Variants in SPATA1 observed in about 807,000 individuals in gnomAD.
The protein encoded by SPATA1 is spermatogenesis-associated protein 1.
A neutral mutation model predicts 59.6 loss-of-function variants in SPATA1; 57 were observed. That is an observed-to-expected ratio of 0.96 (90% CI 0.77 to 1.19). The LOEUF (loss-of-function observed/expected upper bound fraction) is 1.19. Among genes scored for constraint, SPATA1 ranks in the 50% most tolerant of loss-of-function variants. SPATA1 has a pLI of 0.00. For missense variants in SPATA1, 448 were observed against 480.7 expected (o/e 0.93, Z 0.64); for synonymous variants, 147 against 163.9 (o/e 0.90, Z 0.79).
At chr1:84,511,687 T>C (rs868442555) in intron 1 of SPATA1, among the ~76,000 whole-genome samples, 3,467 of 142,156 alleles carry the variant, frequency 0.024, 174 homozygotes, top group Admixed American at 0.046. Context: ...TTCTTTTTTT[T>C]TTTTTTTTTT....
At chr1:84,554,472 T>C (rs1295051076) in exon 13 of SPATA1, 1 of 153,706 alleles carries the variant, frequency 6.5e-6, no homozygotes, top group Non-Finnish European at 1.4e-5. Flanking sequence ...AAATACTATA[T>C]GGAGTCAGGA....
chr1:84,509,088 TA>T (rs1422252873), intron 1 of SPATA1, among the ~76,000 whole-genome samples: 4 of 151,470 alleles, frequency 2.6e-5, no homozygotes, highest in Non-Finnish European at 4.4e-5. Context: ...TACAGAACCA[TA>T]AAAGACCCAG....
At chr1:84,523,995 T>A (rs1417330748) in intron 4 of SPATA1, among the ~76,000 whole-genome samples, 1 of 151,536 alleles carries the variant, frequency 6.6e-6, no homozygotes, top group Non-Finnish European at 1.5e-5. Flanking sequence ...ATATAGATCT[T>A]GCCCTCAAAG....
chr1:84,539,313 G>C (rs1190582356), intron 8 of SPATA1, among the ~76,000 whole-genome samples: 2 of 152,192 alleles, frequency 1.3e-5, no homozygotes, highest in Non-Finnish European at 2.9e-5. Flanking sequence ...ATTATAAACA[G>C]CACACACAAA....
intron 2 of SPATA1, among the ~76,000 whole-genome samples, chr1:84,516,985 C>T (rs936956880): frequency 6.6e-6 from 1 of 151,922 alleles, no homozygotes; most frequent in Non-Finnish European, 1.5e-5. Flanking sequence ...CATCTCAGAC[C>T]CCCAATACCT....
Position 84,550,417 on chromosome 1 carries a change from T to C in SPATA1, c.1126-15T>C. The stretch of plus-strand genomic sequence containing the variant: ...TTATATGTTATACTAAATAAATATC[T>C]ATCTATCCACACAGAATTACCTAAT... On this transcript the variant is annotated splice_polypyrimidine_tract_variant and intron_variant, in intron 11 of 12. Coordinates refer to ENST00000490879, the Ensembl canonical transcript of SPATA1. 2 of 1,370,066 alleles carry C rather than the reference T, an allele frequency of 1.5e-6. No homozygotes were observed. The highest frequency in any genetic ancestry group is 2.0e-6 in the Non-Finnish European group (2 of 1,014,508). 84.9% of individuals were successfully genotyped at this position (1,370,066 alleles called of 1,614,324 possible). A position where few individuals can be genotyped will look rare whatever the true frequency, so the allele number is the denominator to read the frequency against.
chr1:84,566,072 T>G (rs546607565), exon 5 of SPATA1: 14 of 1,072,098 alleles, frequency 1.3e-5, no homozygotes, highest in Middle Eastern at 3.2e-4. Context: ...TTACGTCAGA[T>G]TTTTAAAATT....
intron 8 of SPATA1, among the ~76,000 whole-genome samples, chr1:84,539,042 C>A (rs918763289): frequency 2.6e-5 from 4 of 152,170 alleles, no homozygotes; most frequent in African/African-American, 9.7e-5. Context: ...CTCAAGCAAT[C>A]GGCCCTCCTC....
At chr1:84,555,895 T>G (rs1006751965), downstream of SPATA1, 1 of 152,258 alleles carries the variant, frequency 6.6e-6, no homozygotes, top group Non-Finnish European at 1.5e-5. Context: ...ATGTGCTTTT[T>G]TGTATTCTCT....
chr1:84,551,454 C>T (rs1345356351), intron 12 of SPATA1: 1 of 273,958 alleles, frequency 3.7e-6, no homozygotes, highest in Non-Finnish European at 5.6e-6. Context: ...TCTATGCCTG[C>T]ACTGTCAGAT....
chr1:84,516,221 A>G lies in SPATA1; in HGVS notation c.-137-2A>G. On this transcript the variant is annotated splice_acceptor_variant, in intron 1 of 12. Transcript: ENST00000490879. LOFTEE classifies it low-confidence loss of function (5UTR_SPLICE). ...TTCCTTTTTATTTCTTGAACAAATC[A>G]GAGACCAGAAATGAGTGGAATGCTA... 1 of 633,696 alleles carries G rather than the reference A, an allele frequency of 1.6e-6. No homozygotes were observed. Among genetic ancestry groups the G allele is most frequent in the Non-Finnish European group, 2.6e-6 (1 of 390,852 alleles). 39.3% of individuals were successfully genotyped at this position (633,696 alleles called of 1,614,324 possible).
chr1:84,506,782 C>A (rs41284591), intron 1 of SPATA1: 9,327 of 152,410 alleles, frequency 0.061, 330 homozygotes, highest in Non-Finnish European at 0.077. Flanking sequence ...CGGAGCCGGG[C>A]GGGCGGGGAG....
intron 1 of SPATA1, among the ~76,000 whole-genome samples, chr1:84,508,526 CAAGAA>C (rs1221501907): frequency 6.6e-6 from 1 of 152,110 alleles, no homozygotes; most frequent in African/African-American, 2.4e-5. Flanking sequence ...CAATAAATGC[CAAGAA>C]AAGACCACCA....
intron 8 of SPATA1, among the ~76,000 whole-genome samples, chr1:84,540,941 T>C (rs1336712111): frequency 6.6e-6 from 1 of 152,276 alleles, no homozygotes; most frequent in African/African-American, 2.4e-5. Context: ...AAAACTGTGC[T>C]AATTCCTGCT....
chr1:84,557,533 C>CAAAAAAAAAAAAAAAAAAAA (rs56101174), downstream of SPATA1, among the ~76,000 whole-genome samples: 1 of 55,434 alleles, frequency 1.8e-5, no homozygotes, highest in Non-Finnish European at 3.5e-5. Flanking sequence ...AACTCCATCT[C>CAAAAAAAAAAAAAAAAAAAA]AAAAAAAAAA....
At chr1:84,537,108 G>A (rs563424891) in intron 8 of SPATA1, among the ~76,000 whole-genome samples, 1 of 151,970 alleles carries the variant, frequency 6.6e-6, no homozygotes, top group Admixed American at 6.5e-5. Context: ...TTGGACTCCT[G>A]ACCTCGTGAT....
intron 1 of SPATA1, chr1:84,506,812 G>A (rs1164529331): frequency 2.0e-5 from 3 of 152,434 alleles, no homozygotes; most frequent in Admixed American, 6.5e-5. Context: ...TGATTCGCTG[G>A]AGAAGGGATC....
At chr1:84,519,588 G>C (rs1215599434) in intron 2 of SPATA1, among the ~76,000 whole-genome samples, 1 of 151,974 alleles carries the variant, frequency 6.6e-6, no homozygotes, top group East Asian at 1.9e-4. Flanking sequence ...AGTATAGCTA[G>C]GGGTTAATCT....
At chr1:84,516,174 GTTTA>G in intron 1 of SPATA1, 45 bp from the exon 2 acceptor site, 1 of 511,092 alleles carries the variant, frequency 2.0e-6, no homozygotes, top group African/African-American at 2.0e-5. Context: ...TTCATTTGTA[GTTTA>G]TTTAATGCTT....
Sources: allele counts gnomAD v4.1 joint callset (sites outside exome capture counted in the v4.1 genomes callset), GRCh38; gene constraint gnomAD v4.1.1; transcripts MANE v1.5; gene names NCBI Gene and HGNC (gene_info 2026-07-23, HGNC 2026-07-21).